VCL: variants seen among roughly 807,000 people sequenced by gnomAD.
The protein encoded by VCL is epididymis luminal protein 114.
In VCL, 47 loss-of-function variants were observed where a neutral mutation model predicts 125.7. The observed-to-expected ratio is 0.37, with a 90% CI of 0.30 to 0.48. The LOEUF is 0.48. Ranked by LOEUF, VCL falls within the 20% of genes least tolerant of loss-of-function variation. The pLI, the probability that VCL is intolerant of heterozygous loss-of-function variation, is 0.99. For missense variants in VCL, 1,069 were observed against 1,455.5 expected, an observed-to-expected ratio of 0.73 and a Z score of 4.32; for synonymous variants, 458 against 514.6, an observed-to-expected ratio of 0.89 and a Z score of 1.49.
At chr10:74,092,716 C>T (rs1435248290) in intron 10 of VCL, among the ~76,000 whole-genome samples, 1 of 152,042 alleles carries the variant, frequency 6.6e-6, no homozygotes, top group African/African-American at 2.4e-5. Context: ...AAATATGGAC[C>T]CAGGATTATC....
chr10:74,024,685 G>A (rs1468027226), intron 1 of VCL, among the ~76,000 whole-genome samples: 3 of 152,090 alleles, frequency 2.0e-5, no homozygotes, highest in Non-Finnish European at 4.4e-5. Flanking sequence ...TAAAAAATGG[G>A]GGGTCTACAG....
chr10:74,020,595 C>A (rs1030169212), intron 1 of VCL, among the ~76,000 whole-genome samples: 4 of 151,972 alleles, frequency 2.6e-5, no homozygotes, highest in African/African-American at 7.3e-5. Flanking sequence ...AATCCCAACA[C>A]CTTGGGAGAC....
chr10:74,067,742 C>A (rs747511258), intron 2 of VCL, among the ~76,000 whole-genome samples: 1 of 152,118 alleles, frequency 6.6e-6, no homozygotes, highest in African/African-American at 2.4e-5. Context: ...AGGAGCCAGA[C>A]GTAGTGTATG....
At chr10:74,001,315 C>T (rs1220528726) in intron 1 of VCL, among the ~76,000 whole-genome samples, 2 of 152,188 alleles carry the variant, frequency 1.3e-5, no homozygotes, top group East Asian at 1.9e-4. Flanking sequence ...TGATATTCCT[C>T]TCTTTTTAAA....
At chr10:74,005,650 G>GT (rs1840309846) in intron 1 of VCL, among the ~76,000 whole-genome samples, 1 of 152,136 alleles carries the variant, frequency 6.6e-6, no homozygotes, top group Non-Finnish European at 1.5e-5. Flanking sequence ...TTATCCGTCG[G>GT]TATCCATGGG....
At chr10:74,106,860 C>A (rs1030589031) in intron 16 of VCL, among the ~76,000 whole-genome samples, 2 of 152,192 alleles carry the variant, frequency 1.3e-5, no homozygotes, top group African/African-American at 4.8e-5. Context: ...TATGTCCAAT[C>A]TGAAACTGAC....
At chr10:74,012,403 G>T (rs1337906155) in intron 1 of VCL, among the ~76,000 whole-genome samples, 1 of 152,052 alleles carries the variant, frequency 6.6e-6, no homozygotes, top group Admixed American at 6.6e-5. Flanking sequence ...TATAAGATAT[G>T]GTCTCTGGCC....
intron 1 of VCL, among the ~76,000 whole-genome samples, chr10:74,005,514 C>A (rs1196612943): frequency 6.6e-6 from 1 of 152,164 alleles, no homozygotes; most frequent in Non-Finnish European, 1.5e-5. Flanking sequence ...CCTTGGCCTC[C>A]CAAAGTGCTG....
rs1301173976 is a variant in VCL at position 74,072,845 on chromosome 10, C to A, written c.615C>A (p.Leu205=). The part of the protein sequence containing the change: ...MNTVKELLPV[L]ISAMKIFVTT... ...CCGTGAAAGAGTTGCTGCCAGTTCT[C>A]ATTTCAGGTACTTCCTGCCTGTACT... Residue 205 remains leucine (L), a synonymous_variant, in exon 5 of 22, where the codon CTC becomes CTA. Transcript: ENST00000211998. 1 of 1,613,912 alleles carries A rather than the reference C, an allele frequency of 6.2e-7. No homozygotes were observed. Among genetic ancestry groups the A allele is most frequent in the Admixed American group, 1.7e-5 (1 of 60,004 alleles).
At chr10:74,006,830 C>T (rs541027329) in intron 1 of VCL, among the ~76,000 whole-genome samples, 1 of 152,088 alleles carries the variant, frequency 6.6e-6, no homozygotes, top group South Asian at 2.1e-4. Context: ...ATTCCCAAAT[C>T]CAAAAAAATC....
intron 2 of VCL, among the ~76,000 whole-genome samples, 198 bp downstream of exon 2, chr10:74,043,351 A>ATT (rs142336119): frequency 5.4e-4 from 81 of 149,080 alleles, no homozygotes; most frequent in Non-Finnish European, 7.0e-4. Context: ...TGACATAATA[A>ATT]TTTTTTTTTT....
chr10:74,055,212 A>G (rs760530691), intron 2 of VCL, among the ~76,000 whole-genome samples: 6 of 152,124 alleles, frequency 3.9e-5, no homozygotes, highest in Admixed American at 2.0e-4. Context: ...AGGTGGGAGA[A>G]TGGCTTGAAC....
chr10:74,072,892 T>C (rs1323466879), intron 5 of VCL, 40 bp downstream of exon 5: 1 of 1,613,592 alleles, frequency 6.2e-7, no homozygotes, highest in Non-Finnish European at 8.5e-7. Context: ...GGGGGAAAAA[T>C]GTTAGCATGT....
At chr10:74,031,302 A>ATC (rs1436198996) in intron 1 of VCL, among the ~76,000 whole-genome samples, 1 of 151,926 alleles carries the variant, frequency 6.6e-6, no homozygotes, top group African/African-American at 2.4e-5. Context: ...TAGTCTCTGT[A>ATC]TCTCTCTCCA....
chr10:74,117,601 G>A (rs1454904138), intron 21 of VCL, among the ~76,000 whole-genome samples: 6 of 151,550 alleles, frequency 4.0e-5, no homozygotes, highest in Non-Finnish European at 8.8e-5. Flanking sequence ...TGCAGTGGCC[G>A]AGATCACACC....
chr10:74,042,793 A>C (rs144295868), intron 1 of VCL, among the ~76,000 whole-genome samples: 8 of 152,180 alleles, frequency 5.3e-5, no homozygotes, highest in African/African-American at 1.4e-4. Context: ...ACACACTTAT[A>C]TTCTCAATGA....
chr10:74,118,498 C>G lies in VCL; in HGVS notation c.*329C>G, dbSNP rs911490986. 1.6e-5 allele frequency: 6 copies of G among 381,060 alleles called. No homozygotes were observed. The highest frequency in any genetic ancestry group is 2.0e-5 in the Non-Finnish European group (4 of 199,474). The allele number at this position is 381,060 out of a possible 1,614,324, so 23.6% of individuals were successfully genotyped here. On this transcript the variant is annotated 3_prime_UTR_variant, in exon 22 of 22. Transcript: ENST00000211998. ...ACACTAGCCAGACACTCTGCTCTGCCCTTGTTCCCTAGGGGACACTTCCCT... is the reference window on the plus strand; with the variant it reads ...ACACTAGCCAGACACTCTGCTCTGCGCTTGTTCCCTAGGGGACACTTCCCT...
chr10:74,047,150 C>G (rs970788065), intron 2 of VCL, among the ~76,000 whole-genome samples: 1 of 151,948 alleles, frequency 6.6e-6, no homozygotes, highest in Non-Finnish European at 1.5e-5. Context: ...AATCATTGAT[C>G]GCTGGGCATG....
chr10:74,044,084 C>T (rs1841150386), intron 2 of VCL, among the ~76,000 whole-genome samples: 1 of 151,414 alleles, frequency 6.6e-6, no homozygotes, highest in Admixed American at 6.6e-5. Flanking sequence ...GCACTCCAGT[C>T]TGGGTGACAG....
Sources: gnomAD v4.1 joint callset for allele counts (sites outside exome capture counted in the v4.1 genomes callset) on GRCh38, gnomAD v4.1.1 for gene constraint, MANE v1.5 for transcripts, NCBI Gene and HGNC (gene_info 2026-07-23, HGNC 2026-07-21) for gene names.